NAPA: variants seen among roughly 807,000 people sequenced by gnomAD.
NAPA encodes the protein NSF attachment protein alpha.
A neutral mutation model predicts 48.0 loss-of-function variants in NAPA; 18 were observed. The observed-to-expected ratio is 0.38, with a 90% CI of 0.26 to 0.56. NAPA has a LOEUF of 0.56. NAPA is among the 20% of genes least tolerant of loss of function. The pLI is 0.77. For missense variants in NAPA, 315 were observed against 385.0 expected, an observed-to-expected ratio of 0.82 and a Z score of 1.52; for synonymous variants, 152 against 149.9, an observed-to-expected ratio of 1.01 and a Z score of -0.10.
intron 7 of NAPA, 128 bp from the exon 8 acceptor site, chr19:47,492,247 G>A (rs1050685221): frequency 2.6e-6 from 2 of 770,254 alleles, no homozygotes; most frequent in Non-Finnish European, 2.1e-6. Context: ...GTTAACCCAG[G>A]ACCCCAAGGG....
rs961369930 is a variant in NAPA, at chr19:47,495,664, G to A, written c.296-68C>T. On this transcript the variant is annotated intron_variant, in intron 3 of 10. Coordinates refer to ENST00000263354, the MANE Select transcript of NAPA (RefSeq NM_003827.4). Reference sequence around the variant, plus strand: ...TCGTTTCAGCAGAAGCTGAGGAGAGGAGGCGGACGCAGGCGCACCTGGCTG... The same window carrying A: ...TCGTTTCAGCAGAAGCTGAGGAGAGAAGGCGGACGCAGGCGCACCTGGCTG... 19 of 1,523,588 alleles carry A rather than the reference G, an allele frequency of 1.2e-5. No individual in the cohort carries two copies. In the African/African-American group the frequency reaches 1.9e-4, roughly 15 times the overall value. 94.4% of individuals were successfully genotyped at this position (1,523,588 alleles called of 1,614,324 possible).
chr19:47,488,108 TGTCC>T lies in NAPA; in HGVS notation c.*176_*179del. 1.7e-6 allele frequency: 1 copy of T among 584,246 alleles called. No homozygotes were observed. Among genetic ancestry groups the T allele is most frequent in the Non-Finnish European group, 3.1e-6 (1 of 325,548 alleles). 36.2% of individuals were successfully genotyped at this position (584,246 alleles called of 1,614,324 possible). A position where few individuals can be genotyped will look rare whatever the true frequency, so the allele number is the denominator to read the frequency against. On this transcript the variant is annotated 3_prime_UTR_variant, in exon 11 of 11. Transcript: ENST00000263354. ...GGATGTAGCGAGAACAGAGGGTGAC[TGTCC>T]GGCCAGCAGCCTGGGCCTCTGGCGC...
Position 47,514,982 on chromosome 19 carries a change from C to G in NAPA, c.-42G>C, listed in dbSNP as rs1968879043. The G allele has an allele frequency of 1.3e-6, 2 of 1,588,162 alleles. No individual in the cohort carries two copies. Among genetic ancestry groups the G allele is most frequent in the East Asian group, 4.5e-5 (2 of 44,172 alleles). ...CTCAGCAAAGCGCCTGACCCTGACC[C>G]TGGGAAGACTCAGCCGCGGCCGGGC... On this transcript the variant is annotated 5_prime_UTR_variant, in exon 1 of 11. Coordinates refer to ENST00000263354, the MANE Select transcript of NAPA (RefSeq NM_003827.4).
intron 10 of NAPA, chr19:47,489,489 C>T (rs1034524594): frequency 1.0e-5 from 6 of 598,078 alleles, no homozygotes; most frequent in Non-Finnish European, 1.5e-5. Context: ...AGCCTCCTGA[C>T]CTCCCCAACC....
rs954592550 is a variant in NAPA, at chr19:47,506,091, G to A, written c.99-2589C>T. Among the ~76,000 whole-genome samples the A allele has an allele frequency of 1.3e-5, 2 of 149,334 alleles. No homozygotes were observed. The highest frequency in any genetic ancestry group is 2.5e-5 in the African/African-American group (1 of 40,292). On this transcript the variant is annotated intron_variant, in intron 1 of 10. Transcript: ENST00000263354. The surrounding 1 kb of genome is among the most constrained non-coding windows in gnomAD (Gnocchi z 4.0). ...CAGCTTACTGCAACCTCCAACTCCC[G>A]GGTTCAAGCAATTCTCCTGCCTCAG...
chr19:47,497,969 G>A (rs1322591139), intron 3 of NAPA, among the ~76,000 whole-genome samples: 3 of 152,184 alleles, frequency 2.0e-5, no homozygotes, highest in Non-Finnish European at 2.9e-5. Context: ...TCGCTGGCCC[G>A]AGTCTGCCCT....
intron 4 of NAPA, among the ~76,000 whole-genome samples, chr19:47,494,289 A>T (rs941393280): frequency 6.6e-6 from 1 of 152,204 alleles, no homozygotes; most frequent in Admixed American, 6.5e-5. Context: ...AGGGCTGTGG[A>T]TTAAACCACC....
chr19:47,495,690 C>T lies in NAPA; in HGVS notation c.296-94G>A, dbSNP rs534480922. 4.2e-5 allele frequency: 51 copies of T among 1,212,484 alleles called. No homozygotes were observed. The African/African-American group carries it at 6.7e-4, about 16-fold the overall frequency. 75.1% of individuals were successfully genotyped at this position (1,212,484 alleles called of 1,614,324 possible). On this transcript the variant is annotated intron_variant, in intron 3 of 10. Coordinates refer to ENST00000263354, the MANE Select transcript of NAPA (RefSeq NM_003827.4). ...AGGCGGACGCAGGCGCACCTGGCTGCCAGCAGAGAGATCAATAGGCGCTCA... is the reference window on the plus strand; with the variant it reads ...AGGCGGACGCAGGCGCACCTGGCTGTCAGCAGAGAGATCAATAGGCGCTCA...
At chr19:47,507,708 A>G (rs1166806963) in intron 1 of NAPA, among the ~76,000 whole-genome samples, 1 of 152,158 alleles carries the variant, frequency 6.6e-6, no homozygotes, top group Non-Finnish European at 1.5e-5. Context: ...TCTCGAGACC[A>G]TGTGCCTTAA....
In NAPA at chr19:47,514,925, T is replaced by A. The variant is rs746523318; in HGVS notation, c.16A>T (p.Lys6Ter). 6.2e-7 allele frequency: 1 copy of A among 1,613,812 alleles called. No homozygotes were observed. Among genetic ancestry groups the A allele is most frequent in the South Asian group, 1.1e-5 (1 of 91,076 alleles). Residue 6 changes from lysine to a stop codon, truncating the protein, a stop_gained, in exon 1 of 11, where the codon AAG becomes TAG. Coordinates refer to ENST00000263354, the MANE Select transcript of NAPA (RefSeq NM_003827.4). LOFTEE classifies it high-confidence loss of function. The part of the protein sequence containing the change: MDNSG[K>*]EAEAMALLAE... ...AACAGCGCCATCGCCTCCGCTTCCT[T>A]CCCGGAATTGTCCATGGCGGCCACA...
At chr19:47,504,538 G>A (rs1364697321) in intron 1 of NAPA, among the ~76,000 whole-genome samples, 1 of 151,970 alleles carries the variant, frequency 6.6e-6, no homozygotes, top group Admixed American at 6.6e-5. Context: ...CCTGCAGAAG[G>A]AGGGCCAGGT....
intron 1 of NAPA, among the ~76,000 whole-genome samples, chr19:47,508,217 C>T (rs916469093): frequency 1.3e-5 from 2 of 152,234 alleles, no homozygotes; most frequent in African/African-American, 4.8e-5. Flanking sequence ...GTTAAGGCTG[C>T]CTGTGGTGCA....
intron 2 of NAPA, chr19:47,501,472 G>A (rs1968574124): frequency 6.6e-6 from 1 of 152,216 alleles, no homozygotes; most frequent in Admixed American, 6.5e-5. Context: ...CATGGACAAG[G>A]CACTTGCATG....
At chr19:47,507,870 G>A in intron 1 of NAPA, among the ~76,000 whole-genome samples, 1 of 152,198 alleles carries the variant, frequency 6.6e-6, no homozygotes, top group East Asian at 1.9e-4. Context: ...AGCTTACCCT[G>A]CCAGGAAGCA....
intron 7 of NAPA, 152 bp downstream of exon 7, chr19:47,492,809 G>T: frequency 1.3e-6 from 1 of 747,066 alleles, no homozygotes; most frequent in Non-Finnish European, 2.4e-6. Flanking sequence ...GCTGAAGACA[G>T]GGTGGGGGGA....
chr19:47,493,122 T>C lies in NAPA; in HGVS notation c.473A>G (p.Asn158Ser). The change falls in exon 6 of 11, where the codon AAC (asparagine) becomes AGC (serine). Residue 158 changes from asparagine (N) to serine (S), a missense_variant. This residue lies in a region of NAPA where 173 missense variants were observed against 213.5 expected (regional missense o/e 0.81). Coordinates refer to ENST00000263354, the MANE Select transcript of NAPA (RefSeq NM_003827.4). The surrounding 1 kb of genome is among the most constrained non-coding windows in gnomAD (Gnocchi z 6.4). ...SADYYKGEESNSSANKCLLKV... is the reference protein window; with the variant it reads ...SADYYKGEESSSSANKCLLKV... ...GGGCAGGCAGGAAGGGGGCTACCTG[T>C]TGGACTCCTCGCCTTTGTAGTAGTC... 6.2e-7 allele frequency: 1 copy of C among 1,613,392 alleles called. No homozygotes were observed. The highest frequency in any genetic ancestry group is 8.5e-7 in the Non-Finnish European group (1 of 1,179,692).
intron 1 of NAPA, chr19:47,512,690 C>T (rs1968827844): frequency 6.6e-6 from 1 of 152,280 alleles, no homozygotes; most frequent in African/African-American, 2.4e-5. Context: ...TCCTCGCAGC[C>T]TCTAAAATAA....
At position 47,493,122 on chromosome 19, in the gene NAPA, TTG is replaced by T; in HGVS notation, c.471_472del (p.Asn158GlnfsTer25). The T allele has an allele frequency of 1.2e-6, 2 of 1,613,392 alleles. No individual in the cohort carries two copies. The highest frequency in any genetic ancestry group is 1.7e-6 in the Non-Finnish European group (2 of 1,179,692). On this transcript the variant is annotated frameshift_variant, in exon 6 of 11. Coordinates refer to ENST00000263354, the MANE Select transcript of NAPA (RefSeq NM_003827.4). LOFTEE classifies it high-confidence loss of function. This position sits in a 1 kb window ranked among gnomAD's most constrained non-coding sequence, Gnocchi z 6.4. Reference sequence around the variant, plus strand: ...GGGCAGGCAGGAAGGGGGCTACCTGTTGGACTCCTCGCCTTTGTAGTAGTCTG... The same window carrying T: ...GGGCAGGCAGGAAGGGGGCTACCTGTGACTCCTCGCCTTTGTAGTAGTCTG...
At chr19:47,500,406 A>T (rs1968544510) in intron 3 of NAPA, among the ~76,000 whole-genome samples, 1 of 152,202 alleles carries the variant, frequency 6.6e-6, no homozygotes, top group Non-Finnish European at 1.5e-5. Context: ...GACACCACCG[A>T]CACGGTAGAT....
Sources: allele counts gnomAD v4.1 joint callset (sites outside exome capture counted in the v4.1 genomes callset), GRCh38; gene constraint gnomAD v4.1.1; regional missense constraint gnomAD v4.1.1; non-coding constraint Gnocchi (gnomAD v3.1); transcripts MANE v1.5; gene names NCBI Gene and HGNC (gene_info 2026-07-23, HGNC 2026-07-21).